TGM6: variants seen among roughly 807,000 people sequenced by gnomAD.
TGM6 encodes the protein protein-glutamine gamma-glutamyltransferase 6.
In TGM6, 74 loss-of-function variants were observed where a neutral mutation model predicts 77.5. That is an observed-to-expected ratio of 0.96 (90% CI 0.79 to 1.16). The LOEUF (loss-of-function observed/expected upper bound fraction) is 1.16, where lower values mean the gene tolerates loss of function less well. Ranked by LOEUF, TGM6 falls within the 50% of genes most tolerant of loss-of-function variation. The probability of loss-of-function intolerance (pLI) is 0.00; values close to 1 mark genes in which losing one functional copy is unlikely to be tolerated. For synonymous variants in TGM6, 383 were observed against 378.9 expected, an observed-to-expected ratio of 1.01 and a Z score of -0.12; for missense variants, 968 against 940.2, an observed-to-expected ratio of 1.03 and a Z score of -0.39.
intron 5 of TGM6, 115 bp downstream of exon 5, chr20:2,398,161 A>G: frequency 1.3e-6 from 2 of 1,550,352 alleles, no homozygotes; most frequent in Non-Finnish European, 1.8e-6. Context: ...CTGTTGTTGC[A>G]GAACCAACCA....
intron 10 of TGM6, among the ~76,000 whole-genome samples, chr20:2,427,666 C>T (rs2084897008): frequency 6.6e-6 from 1 of 152,142 alleles, no homozygotes; most frequent in Non-Finnish European, 1.5e-5. Flanking sequence ...TCTTTTCTAT[C>T]ATATGTATTG....
chr20:2,383,978 A>G (rs374156571), intron 1 of TGM6, among the ~76,000 whole-genome samples: 1 of 151,906 alleles, frequency 6.6e-6, no homozygotes, highest in Admixed American at 6.6e-5. Flanking sequence ...ATGGTGGTGG[A>G]CACCTGTAGT....
intron 10 of TGM6, among the ~76,000 whole-genome samples, chr20:2,425,128 C>A (rs538295315): frequency 1.2e-4 from 19 of 152,134 alleles, no homozygotes; most frequent in African/African-American, 4.3e-4. Flanking sequence ...ACTGCTTGAA[C>A]CTAGGAGTTT....
At position 2,403,467 on chromosome 20, in the gene TGM6, G is replaced by C; in HGVS notation, c.1060G>C (p.Val354Leu). 6.2e-7 allele frequency: 1 copy of C among 1,614,174 alleles called. No homozygotes were observed. Among genetic ancestry groups the C allele is most frequent in the Non-Finnish European group, 8.5e-7 (1 of 1,180,036 alleles). Reference sequence around the variant, plus strand: ...AGGCCCCTCTTACAATGGCTGGCAGGTTCTGGATGCCACCCCCCAGGAGGA... The same window carrying C: ...AGGCCCCTCTTACAATGGCTGGCAGCTTCTGGATGCCACCCCCCAGGAGGA... Reference protein sequence around the residue: ...DLGPSYNGWQVLDATPQEESE... With the variant: ...DLGPSYNGWQLLDATPQEESE... Residue 354 changes from valine (V) to leucine (L), a missense_variant, in exon 8 of 13, where the codon GTT becomes CTT. Physicochemically the swap from Val to Leu is conservative, Grantham distance 32. Coordinates refer to ENST00000202625, the MANE Select transcript of TGM6 (RefSeq NM_198994.3).
intron 6 of TGM6, 59 bp downstream of exon 6, chr20:2,399,797 G>A (rs1245422725): frequency 2.1e-6 from 3 of 1,440,250 alleles, no homozygotes; most frequent in Non-Finnish European, 2.9e-6. Context: ...CTATCTAAAT[G>A]TATTTACATA....
chr20:2,419,107 G>C (rs1322953737), intron 10 of TGM6, among the ~76,000 whole-genome samples: 2 of 152,016 alleles, frequency 1.3e-5, no homozygotes, highest in Non-Finnish European at 2.9e-5. Flanking sequence ...TTTTTTCCTA[G>C]TCTGTCTGTC....
intron 1 of TGM6, among the ~76,000 whole-genome samples, chr20:2,390,798 A>G (rs139546123): frequency 1.3e-4 from 20 of 152,266 alleles, no homozygotes; most frequent in African/African-American, 4.8e-4. Flanking sequence ...AGACTTGAAG[A>G]AGGAGGCAAG....
intron 10 of TGM6, among the ~76,000 whole-genome samples, chr20:2,422,310 A>G (rs1194357373): frequency 6.6e-6 from 1 of 152,202 alleles, no homozygotes; most frequent in Non-Finnish European, 1.5e-5. Context: ...CAGTTGCTTC[A>G]GCACCATTTG....
chr20:2,428,901 G>A (rs13045947), intron 10 of TGM6, among the ~76,000 whole-genome samples: 33,898 of 151,954 alleles, frequency 0.22, 3,977 homozygotes, highest in South Asian at 0.3. Context: ...TCAGCTCACT[G>A]CAACCTCCGC....
At chr20:2,406,949 G>A (rs1447299642) in intron 9 of TGM6, among the ~76,000 whole-genome samples, 5 of 151,018 alleles carry the variant, frequency 3.3e-5, no homozygotes, top group Admixed American at 3.3e-4. Context: ...CTGTGGGCTG[G>A]CCATTTTCAC....
Position 2,403,730 on chromosome 20 carries a change from T to C in TGM6, c.1243T>C (p.Ser415Pro), listed in dbSNP as rs1014253938. Reference protein sequence around the residue: ...HEDESRERVYSNTKKIGRCIS... With the variant: ...HEDESRERVYPNTKKIGRCIS... Reference sequence around the variant, plus strand: ...GGATGAGAGCCGGGAGCGTGTATACTCAAACACGAAGAAGATTGGGAGATG... The same window carrying C: ...GGATGAGAGCCGGGAGCGTGTATACCCAAACACGAAGAAGATTGGGAGATG... Residue 415 changes from serine to proline, a missense_variant, in exon 9 of 13, where the codon TCA becomes CCA. Physicochemically the swap from Ser to Pro is moderately conservative, Grantham distance 74. Coordinates refer to ENST00000202625, the MANE Select transcript of TGM6 (RefSeq NM_198994.3). 2.5e-6 allele frequency: 4 copies of C among 1,614,026 alleles called. No individual in the cohort carries two copies. The highest frequency in any genetic ancestry group is 3.3e-5 in the Admixed American group (2 of 60,000).
chr20:2,403,696 G>A lies in TGM6; in HGVS notation c.1209G>A (p.Leu403=). ...AEVNADYITW[L]WHEDESRERV... ...TCAACGCCGACTACATCACCTGGCT[G>A]TGGCACGAGGATGAGAGCCGGGAGC... is the stretch of plus-strand genomic sequence containing the variant. Residue 403 remains leucine (L), a synonymous_variant, in exon 9 of 13, where the codon CTG becomes CTA. Coordinates refer to ENST00000202625, the MANE Select transcript of TGM6 (RefSeq NM_198994.3). 3 of 1,614,210 alleles carry A rather than the reference G, an allele frequency of 1.9e-6. No homozygotes were observed. Among genetic ancestry groups the A allele is most frequent in the South Asian group, 1.1e-5 (1 of 91,084 alleles).
intron 9 of TGM6, among the ~76,000 whole-genome samples, chr20:2,415,541 G>A (rs2084810509): frequency 6.6e-6 from 1 of 152,166 alleles, no homozygotes; most frequent in South Asian, 2.1e-4. Flanking sequence ...AGTAATAAAA[G>A]TTCACACACT....
intron 1 of TGM6, among the ~76,000 whole-genome samples, chr20:2,386,474 T>G (rs1478926988): frequency 1.3e-5 from 2 of 151,996 alleles, no homozygotes; most frequent in African/African-American, 4.8e-5. Flanking sequence ...GTGTGTTCTA[T>G]GGGGTTAATG....
chr20:2,393,224 T>C (rs2122342152), intron 1 of TGM6, among the ~76,000 whole-genome samples: 1 of 152,392 alleles, frequency 6.6e-6, no homozygotes, highest in African/African-American at 2.4e-5. Flanking sequence ...CTGACATGCA[T>C]ATTCCCAGCT....
In TGM6 at chr20:2,396,623, A is replaced by G. The variant is rs1321590644; in HGVS notation, c.542A>G (p.Gln181Arg). 2 of 1,614,040 alleles carry G rather than the reference A, an allele frequency of 1.2e-6. No homozygotes were observed. Among genetic ancestry groups the G allele is most frequent in the Non-Finnish European group, 8.5e-7 (1 of 1,179,998 alleles). Reference sequence around the variant, plus strand: ...CGAGCCCAGGGCTGGAACTACGGGCAGGTCTCCAGGGGCACAGGCCAGACA... The same window carrying G: ...CGAGCCCAGGGCTGGAACTACGGGCGGGTCTCCAGGGGCACAGGCCAGACA... ...HIRAQGWNYG[Q>R]FEEDILNICL... Residue 181 changes from glutamine to arginine, a missense_variant and splice_region_variant, in exon 4 of 13, where the codon CAG becomes CGG. Coordinates refer to ENST00000202625, the MANE Select transcript of TGM6 (RefSeq NM_198994.3).
chr20:2,418,200 A>G (rs2084831875), intron 10 of TGM6, among the ~76,000 whole-genome samples: 1 of 152,022 alleles, frequency 6.6e-6, no homozygotes, highest in Admixed American at 6.6e-5. Flanking sequence ...TTTAGTAGAG[A>G]GGGGGTTTCA....
intron 1 of TGM6, among the ~76,000 whole-genome samples, chr20:2,393,856 A>G (rs2084644303): frequency 6.6e-6 from 1 of 152,200 alleles, no homozygotes; most frequent in Admixed American, 6.5e-5. Context: ...AGAAACGCAC[A>G]TATAATAAGG....
chr20:2,402,509 G>C (rs759809737), intron 7 of TGM6, among the ~76,000 whole-genome samples: 1 of 152,106 alleles, frequency 6.6e-6, no homozygotes, highest in Non-Finnish European at 1.5e-5. Flanking sequence ...ACTTCATTTT[G>C]ATGTTGGGGA....
Sources: allele counts gnomAD v4.1 joint callset (sites outside exome capture counted in the v4.1 genomes callset), GRCh38; gene constraint gnomAD v4.1.1; transcripts MANE v1.5; gene names NCBI Gene and HGNC (gene_info 2026-07-23, HGNC 2026-07-21).